Variants in IMMP2L observed in about 807,000 individuals in gnomAD.
IMMP2L encodes inner mitochondrial membrane peptidase subunit 2.
A neutral mutation model predicts 19.3 loss-of-function variants in IMMP2L; 18 were observed. The ratio of observed to expected loss-of-function variants is 0.93; its 90% confidence interval spans 0.64 to 1.38. IMMP2L has a LOEUF of 1.38. IMMP2L is among the 40% of genes most tolerant of loss of function. The pLI, the probability that IMMP2L is intolerant of heterozygous loss-of-function variation, is 0.00. For synonymous variants in IMMP2L, 76 were observed against 73.0 expected, an observed-to-expected ratio of 1.04 and a Z score of -0.21; for missense variants, 233 against 218.2, an observed-to-expected ratio of 1.07 and a Z score of -0.43.
intron 5 of IMMP2L, among the ~76,000 whole-genome samples, chr7:110,774,292 G>C (rs1799234074): frequency 6.6e-6 from 1 of 152,052 alleles, no homozygotes; most frequent in African/African-American, 2.4e-5. Context: ...GCTAGCAATT[G>C]AAACTGTTCT....
intron 4 of IMMP2L, among the ~76,000 whole-genome samples, chr7:110,892,903 T>A (rs532981300): frequency 6.6e-6 from 1 of 152,130 alleles, no homozygotes; most frequent in South Asian, 2.1e-4. Flanking sequence ...TTTCTTCATG[T>A]CTCTCTGTGA....
intron 3 of IMMP2L, among the ~76,000 whole-genome samples, chr7:111,131,113 C>T (rs973259965): frequency 2.0e-5 from 3 of 151,242 alleles, no homozygotes; most frequent in African/African-American, 4.9e-5. Context: ...CTTCTAACCA[C>T]GGATATGGCA....
At chr7:111,533,151 T>A (rs1847559439) in intron 1 of IMMP2L, among the ~76,000 whole-genome samples, 2 of 152,090 alleles carry the variant, frequency 1.3e-5, no homozygotes, top group Admixed American at 1.3e-4. Context: ...GGCCTGGAGA[T>A]AAAAGCAGAT....
intron 3 of IMMP2L, among the ~76,000 whole-genome samples, chr7:111,398,119 G>A (rs537444683): frequency 3.4e-4 from 51 of 151,860 alleles, no homozygotes; most frequent in Admixed American, 1.4e-3. Context: ...AACACTTTTC[G>A]GATTAATTTT....
intron 4 of IMMP2L, among the ~76,000 whole-genome samples, chr7:110,953,786 A>T (rs1195708670): frequency 6.6e-6 from 1 of 152,124 alleles, no homozygotes; most frequent in African/African-American, 2.4e-5. Context: ...TCCCACCAAC[A>T]GTGTAAAAGC....
At chr7:110,905,676 C>A (rs1272219668) in intron 4 of IMMP2L, among the ~76,000 whole-genome samples, 1 of 152,114 alleles carries the variant, frequency 6.6e-6, no homozygotes, top group Admixed American at 6.5e-5. Flanking sequence ...ATTAGAAGAA[C>A]CCTGAATTCT....
At chr7:111,469,477 T>C (rs554170175) in intron 3 of IMMP2L, among the ~76,000 whole-genome samples, 4 of 152,226 alleles carry the variant, frequency 2.6e-5, no homozygotes, top group African/African-American at 9.6e-5. Context: ...TCATGTCCCT[T>C]GTAAGTTGGA....
chr7:110,803,745 GAGAAGTC>G lies in IMMP2L; in HGVS notation c.408+82841_408+82847del, dbSNP rs1801418290. ...CCCTGGGAGCACTCCCAGCAATTGG[GAGAAGTC>G]ATTCCTTGAAGGAACACCTGGGGAG... On this transcript the variant is annotated intron_variant, in intron 5 of 5. Coordinates refer to ENST00000405709, the MANE Select transcript of IMMP2L (RefSeq NM_032549.4). This position sits in a 1 kb window ranked among gnomAD's most constrained non-coding sequence, Gnocchi z 4.2. 1.3e-5 allele frequency among the ~76,000 whole-genome samples: 2 copies of G among 152,062 alleles called. No homozygotes were observed. Among genetic ancestry groups the G allele is most frequent in the Admixed American group, 1.3e-4 (2 of 15,264 alleles).
chr7:111,281,810 G>C (rs1319917867), intron 3 of IMMP2L, among the ~76,000 whole-genome samples: 1 of 152,170 alleles, frequency 6.6e-6, no homozygotes, highest in Non-Finnish European at 1.5e-5. Flanking sequence ...AGACAGATCA[G>C]TCAGAGCAGT....
At chr7:111,101,956 C>A (rs554800955) in intron 3 of IMMP2L, among the ~76,000 whole-genome samples, 14 of 151,396 alleles carry the variant, frequency 9.2e-5, no homozygotes, top group Middle Eastern at 6.8e-3. Context: ...ACTCTTCTGC[C>A]CACATGTTCA....
chr7:110,734,573 G>C (rs1015650545), intron 5 of IMMP2L, among the ~76,000 whole-genome samples: 5 of 152,120 alleles, frequency 3.3e-5, no homozygotes, highest in African/African-American at 1.2e-4. Flanking sequence ...AAAATTCTCA[G>C]AAGAAAAAAG....
At chr7:111,438,829 T>A (rs1014493200) in intron 3 of IMMP2L, among the ~76,000 whole-genome samples, 1 of 151,750 alleles carries the variant, frequency 6.6e-6, no homozygotes, top group Non-Finnish European at 1.5e-5. Flanking sequence ...AAAAAGAAAT[T>A]ACAACTTCCA....
At chr7:111,373,288 A>G (rs1334141844) in intron 3 of IMMP2L, among the ~76,000 whole-genome samples, 3 of 152,140 alleles carry the variant, frequency 2.0e-5, no homozygotes, top group African/African-American at 7.2e-5. Context: ...ACATACTGGA[A>G]GACAGTGTGG....
chr7:110,781,122 G>A (rs546438926), intron 5 of IMMP2L, among the ~76,000 whole-genome samples: 181 of 152,006 alleles, frequency 1.2e-3, no homozygotes, highest in Non-Finnish European at 2.3e-3. Flanking sequence ...AAGGCTTTTA[G>A]TTATACATAC....
intron 3 of IMMP2L, among the ~76,000 whole-genome samples, chr7:111,148,670 T>C (rs1424047660): frequency 6.6e-6 from 1 of 152,024 alleles, no homozygotes; most frequent in Non-Finnish European, 1.5e-5. Flanking sequence ...CACAGATTTA[T>C]TTGCTTCTAC....
rs533289158 is a variant in IMMP2L at position 110,804,601 on chromosome 7, C to T, written c.408+81992G>A. 2.6e-5 allele frequency among the ~76,000 whole-genome samples: 4 copies of T among 152,156 alleles called. No individual in the cohort carries two copies. The South Asian group carries it at 8.3e-4, about 32-fold the overall frequency. ...GCAGCTCAGCTAGGGACTACATTTC[C>T]CAGACTTCCTTGCAGTGTGAGGTGG... On this transcript the variant is annotated intron_variant, in intron 5 of 5. Coordinates refer to ENST00000405709, the MANE Select transcript of IMMP2L (RefSeq NM_032549.4).
chr7:110,980,222 T>TTCA (rs1305637972), intron 3 of IMMP2L, among the ~76,000 whole-genome samples: 3 of 93,140 alleles, frequency 3.2e-5, no homozygotes, highest in African/African-American at 1.5e-4. Flanking sequence ...GTATTTGTGC[T>TTCA]GCTTCTTTTT....
intron 1 of IMMP2L, among the ~76,000 whole-genome samples, chr7:111,553,316 T>C (rs73203040): frequency 0.026 from 3,885 of 152,220 alleles, 76 homozygotes; most frequent in Non-Finnish European, 0.041. Flanking sequence ...AAATAAGGTA[T>C]AATACTGTAA....
chr7:111,088,749 T>A (rs1480382912), intron 3 of IMMP2L, among the ~76,000 whole-genome samples: 1 of 152,174 alleles, frequency 6.6e-6, no homozygotes, highest in Non-Finnish European at 1.5e-5. Flanking sequence ...ATAGATGTGA[T>A]ACCAAAATAA....
Sources: allele counts gnomAD v4.1 joint callset (sites outside exome capture counted in the v4.1 genomes callset), GRCh38; gene constraint gnomAD v4.1.1; non-coding constraint Gnocchi (gnomAD v3.1); transcripts MANE v1.5; gene names NCBI Gene and HGNC (gene_info 2026-07-23, HGNC 2026-07-21).